Variants in CEP128 observed in about 807,000 individuals in gnomAD.
CEP128 encodes centrosomal protein 128, also known as centrosomal protein 128kDa.
Under a neutral mutation model 156.7 loss-of-function variants are expected in CEP128, and 132 were observed. That is an observed-to-expected ratio of 0.84 (90% confidence interval 0.73 to 0.97). CEP128 has a LOEUF of 0.97. Ranked by LOEUF, CEP128 falls within the 50% of genes least tolerant of loss-of-function variation. The pLI is 0.00. For synonymous variants in CEP128, 469 were observed against 448.9 expected (o/e 1.04, Z -0.57); for missense variants, 1,252 against 1,281.9 (o/e 0.98, Z 0.36).
At chr14:80,760,530 T>C (rs1405397659) in intron 17 of CEP128, among the ~76,000 whole-genome samples, 1 of 152,020 alleles carries the variant, frequency 6.6e-6, no homozygotes, top group Non-Finnish European at 1.5e-5. Context: ...TCAAAATCAA[T>C]AGTAGAAACT....
chr14:80,691,512 G>C (rs1896719054), intron 19 of CEP128, among the ~76,000 whole-genome samples: 1 of 152,168 alleles, frequency 6.6e-6, no homozygotes. Context: ...GATTGGGGCT[G>C]ACTGTTAGGC....
rs141539449 is a variant in CEP128 at position 80,838,992 on chromosome 14, G to A, written c.850-714C>T. ...CAGACACCCGTAATCCCAGCTACTC[G>A]GGAGGCTGAGGCAGAAGAATGGCGT... On this transcript the variant is annotated intron_variant, in intron 10 of 24. Coordinates refer to ENST00000555265, the MANE Select transcript of CEP128 (RefSeq NM_152446.5). 6.1e-3 allele frequency among the ~76,000 whole-genome samples: 927 copies of A among 152,208 alleles called. 20 individuals carry two copies. The highest frequency in any genetic ancestry group is 0.021 in the African/African-American group (886 of 41,528).
At chr14:80,958,440 C>T (rs1279527274) in intron 1 of CEP128, among the ~76,000 whole-genome samples, 3 of 152,140 alleles carry the variant, frequency 2.0e-5, no homozygotes, top group African/African-American at 7.2e-5. Flanking sequence ...CACCAGTGTT[C>T]CCCTGATGGT....
rs181432069 is a variant in CEP128, at chr14:80,914,331, C to A, written c.225G>T (p.Ala75=). 2.5e-6 allele frequency: 4 copies of A among 1,612,324 alleles called. No homozygotes were observed. Among genetic ancestry groups the A allele is most frequent in the Middle Eastern group, 1.6e-4 (1 of 6,078 alleles). ...YREYSNGQAG[A]IEHLKESLEQ... ...AAATGTAGTTTCTCACATGTTCTAT[C>A]GCACCCGCCTGTCCATTACTGTATT... The change falls in exon 4 of 25, where the codon GCG becomes GCT. Residue 75 remains alanine, a synonymous_variant. Transcript: ENST00000555265.
chr14:80,946,259 A>G (rs759883226), upstream of CEP128, among the ~76,000 whole-genome samples: 6 of 151,616 alleles, frequency 4.0e-5, no homozygotes, highest in Non-Finnish European at 8.8e-5. Flanking sequence ...GAATATTGGT[A>G]CTCTATTATT....
intron 2 of CEP128, among the ~76,000 whole-genome samples, chr14:80,933,452 T>G (rs117165970): frequency 0.015 from 2,281 of 152,274 alleles, 32 homozygotes; most frequent in African/African-American, 0.025. Flanking sequence ...AATCCCCTTA[T>G]AGTTAATTAT....
rs191147102 is a variant in CEP128 at position 80,875,578 on chromosome 14, G to A, written c.646-12705C>T. On this transcript the variant is annotated intron_variant, in intron 8 of 24. Transcript: ENST00000555265. Reference sequence around the variant, plus strand: ...CACAGATAAACAGATTGATGATTTTGGAAAACAATTACAAAGTTAAAAACA... The same window carrying A: ...CACAGATAAACAGATTGATGATTTTAGAAAACAATTACAAAGTTAAAAACA... 4.6e-5 allele frequency among the ~76,000 whole-genome samples: 7 copies of A among 152,138 alleles called. No individual in the cohort carries two copies. In the East Asian group the frequency reaches 1.4e-3, roughly 29 times the overall value.
At chr14:80,911,253 C>G (rs941368417) in intron 4 of CEP128, among the ~76,000 whole-genome samples, 1 of 152,226 alleles carries the variant, frequency 6.6e-6, no homozygotes, top group Non-Finnish European at 1.5e-5. Context: ...AATCCCAGCA[C>G]TTTGGGAGGC....
At chr14:80,669,560 G>A (rs760958849) in intron 19 of CEP128, among the ~76,000 whole-genome samples, 1 of 152,082 alleles carries the variant, frequency 6.6e-6, no homozygotes, top group Non-Finnish European at 1.5e-5. Context: ...AAGCATATGA[G>A]AAAATGTTCA....
intron 13 of CEP128, among the ~76,000 whole-genome samples, chr14:80,802,664 T>A (rs1883946639): frequency 6.6e-6 from 1 of 152,042 alleles, no homozygotes; most frequent in Non-Finnish European, 1.5e-5. Context: ...TTTTTTTTTA[T>A]TTTTTAGAAG....
intron 8 of CEP128, among the ~76,000 whole-genome samples, chr14:80,875,208 T>C (rs1014774343): frequency 3.9e-5 from 6 of 152,190 alleles, no homozygotes; most frequent in African/African-American, 1.4e-4. Flanking sequence ...TGAAGGGCTA[T>C]ACGCAAGTAG....
intron 7 of CEP128, 119 bp from the exon 8 acceptor site, chr14:80,895,909 A>AATG (rs1889331767): frequency 1.3e-6 from 1 of 742,804 alleles, no homozygotes; most frequent in Non-Finnish European, 2.0e-6. Context: ...GTGATTCTCA[A>AATG]ATGTTATAAA....
At chr14:80,680,148 G>T (rs10132819) in intron 19 of CEP128, among the ~76,000 whole-genome samples, 131,675 of 152,110 alleles carry the variant, frequency 0.87, 57,081 homozygotes, top group East Asian at 0.98. Context: ...GCTGGAATTC[G>T]GCTCTCCCCT....
chr14:80,670,754 T>G (rs1238336564), intron 19 of CEP128, among the ~76,000 whole-genome samples: 1 of 152,138 alleles, frequency 6.6e-6, no homozygotes, highest in Non-Finnish European at 1.5e-5. Context: ...AAAACTGTAC[T>G]TATAAATTTA....
At chr14:80,757,728 A>G (rs928941900) in intron 17 of CEP128, among the ~76,000 whole-genome samples, 1 of 152,206 alleles carries the variant, frequency 6.6e-6, no homozygotes, top group Non-Finnish European at 1.5e-5. Flanking sequence ...GGAGAAGTCT[A>G]TTCCTATTCT....
At chr14:80,778,753 T>C (rs993837570) in intron 15 of CEP128, among the ~76,000 whole-genome samples, 1 of 152,226 alleles carries the variant, frequency 6.6e-6, no homozygotes, top group African/African-American at 2.4e-5. Context: ...TAATCTATTC[T>C]ATATAGGAAA....
intron 19 of CEP128, among the ~76,000 whole-genome samples, chr14:80,588,193 A>G (rs888247630): frequency 6.6e-6 from 1 of 152,100 alleles, no homozygotes; most frequent in African/African-American, 2.4e-5. Flanking sequence ...CAATTCTTAC[A>G]TTCTAAGAGT....
intron 8 of CEP128, among the ~76,000 whole-genome samples, chr14:80,873,871 A>G (rs1038992581): frequency 1.3e-5 from 2 of 152,168 alleles, no homozygotes; most frequent in African/African-American, 4.8e-5. Flanking sequence ...TTTAAATAAA[A>G]TTGTTTTAGA....
chr14:80,944,746 C>T (rs575908201), upstream of CEP128, among the ~76,000 whole-genome samples: 19 of 138,282 alleles, frequency 1.4e-4, no homozygotes, highest in Middle Eastern at 4.2e-3. Context: ...GGCGTAAACC[C>T]GGAAGGCAGA....
Sources: gnomAD v4.1 joint callset for allele counts (sites outside exome capture counted in the v4.1 genomes callset) on GRCh38, gnomAD v4.1.1 for gene constraint, MANE v1.5 for transcripts, NCBI Gene and HGNC (gene_info 2026-07-23, HGNC 2026-07-21) for gene names.